ZNF804B: variants seen among roughly 807,000 people sequenced by gnomAD.
The protein encoded by ZNF804B is zinc finger protein 804B, also known as zinc finger 804B.
In ZNF804B, 80 loss-of-function variants were observed where a neutral mutation model predicts 101.4. That is an observed-to-expected ratio of 0.79 (90% CI 0.66 to 0.95). The LOEUF (loss-of-function observed/expected upper bound fraction) is 0.95, where lower values mean the gene tolerates loss of function less well. Ranked by LOEUF, ZNF804B falls within the 40% of genes least tolerant of loss-of-function variation. The probability of loss-of-function intolerance (pLI) is 0.00; values close to 1 mark genes in which losing one functional copy is unlikely to be tolerated. For missense variants in ZNF804B, 1,673 were observed against 1,561.9 expected (o/e 1.07, Z -1.20); for synonymous variants, 622 against 558.8 (o/e 1.11, Z -1.59).
intron 1 of ZNF804B, among the ~76,000 whole-genome samples, chr7:88,928,970 C>T (rs1404400651): frequency 1.3e-5 from 2 of 151,724 alleles, no homozygotes; most frequent in East Asian, 3.9e-4. Flanking sequence ...GTCATTGTGG[C>T]TCAATAAATA....
intron 2 of ZNF804B, among the ~76,000 whole-genome samples, chr7:89,305,713 A>G (rs1364399484): frequency 6.6e-6 from 1 of 152,038 alleles, no homozygotes; most frequent in East Asian, 1.9e-4. Context: ...TAAAATATCA[A>G]TCTTCAGCAG....
chr7:88,868,105 CAACAA>C (rs1791763027), intron 1 of ZNF804B, among the ~76,000 whole-genome samples: 1 of 148,926 alleles, frequency 6.7e-6, no homozygotes, highest in Non-Finnish European at 1.5e-5. Context: ...TTTCTTTAAG[CAACAA>C]ATGCTGCCAT....
At chr7:89,263,925 C>G (rs1248496537) in intron 2 of ZNF804B, among the ~76,000 whole-genome samples, 2 of 152,082 alleles carry the variant, frequency 1.3e-5, no homozygotes, top group African/African-American at 4.8e-5. Flanking sequence ...TTCAATTAAC[C>G]AAGTTTGTGG....
intron 2 of ZNF804B, among the ~76,000 whole-genome samples, chr7:89,313,999 T>A (rs1373840290): frequency 1.3e-5 from 2 of 152,168 alleles, no homozygotes; most frequent in African/African-American, 2.4e-5. Context: ...TTTACATACC[T>A]CTATTTCCCT....
intron 1 of ZNF804B, among the ~76,000 whole-genome samples, chr7:88,839,650 A>G (rs984273341): frequency 5.3e-5 from 8 of 152,064 alleles, no homozygotes; most frequent in African/African-American, 1.9e-4. Flanking sequence ...AACAGTTGAG[A>G]CAGGAGTATG....
chr7:89,087,365 A>G (rs1257434834), intron 1 of ZNF804B, among the ~76,000 whole-genome samples: 1 of 151,954 alleles, frequency 6.6e-6, no homozygotes, highest in Non-Finnish European at 1.5e-5. Context: ...AATGTTAAGT[A>G]CTAAATGTGC....
intron 2 of ZNF804B, among the ~76,000 whole-genome samples, chr7:89,234,404 T>A (rs1334035449): frequency 1.3e-5 from 2 of 152,120 alleles, no homozygotes; most frequent in Admixed American, 1.3e-4. Flanking sequence ...TAACTTTAGG[T>A]ATAATCTACT....
rs565869188 is a variant in ZNF804B, at chr7:89,120,412, C to T, written c.109-97743C>T. ...GTGGCTCACGCGTGTAATCCCAACA[C>T]TCTGAGAGGCCGAGGCGGGCAGATC... is the stretch of plus-strand genomic sequence containing the variant. On this transcript the variant is annotated intron_variant, in intron 1 of 3. Transcript: ENST00000333190. Among the ~76,000 whole-genome samples the T allele has an allele frequency of 1.1e-4, 16 of 152,228 alleles. No homozygotes were observed. In the South Asian group the frequency reaches 2.9e-3, roughly 28 times the overall value.
chr7:88,985,228 G>A (rs1196881278), intron 1 of ZNF804B, among the ~76,000 whole-genome samples: 4 of 144,292 alleles, frequency 2.8e-5, no homozygotes, highest in African/African-American at 7.9e-5. Flanking sequence ...TGAGAGACCA[G>A]TAAACATTTG....
intron 1 of ZNF804B, among the ~76,000 whole-genome samples, chr7:89,038,681 T>TCACCTAGTTTTGCTTTTATTG (rs1308191638): frequency 2.6e-5 from 4 of 152,124 alleles, no homozygotes; most frequent in African/African-American, 9.6e-5. Flanking sequence ...ATAATCCCAT[T>TCACCTAGTTTTGCTTTTATTG]CACCTAGTTT....
At chr7:89,100,281 C>A (rs1436306607) in intron 1 of ZNF804B, among the ~76,000 whole-genome samples, 1 of 152,074 alleles carries the variant, frequency 6.6e-6, no homozygotes, top group African/African-American at 2.4e-5. Flanking sequence ...TGAAACTAGA[C>A]CCATATCACT....
intron 1 of ZNF804B, among the ~76,000 whole-genome samples, chr7:88,984,642 A>C (rs1053453547): frequency 6.6e-6 from 1 of 152,058 alleles, no homozygotes; most frequent in Non-Finnish European, 1.5e-5. Context: ...TATCAATGCA[A>C]AAATTCTTGA....
chr7:89,157,193 T>C (rs1019240362), intron 1 of ZNF804B, among the ~76,000 whole-genome samples: 1 of 152,176 alleles, frequency 6.6e-6, no homozygotes, highest in African/African-American at 2.4e-5. Flanking sequence ...AGGTTGGACA[T>C]AGTTAGGTTC....
intron 1 of ZNF804B, among the ~76,000 whole-genome samples, chr7:89,183,540 C>T (rs1204185388): frequency 6.6e-6 from 1 of 152,258 alleles, no homozygotes; most frequent in African/African-American, 2.4e-5. Context: ...GGGAGAAATG[C>T]TGTAGATTTC....
chr7:88,880,175 T>C (rs566990802), intron 1 of ZNF804B, among the ~76,000 whole-genome samples: 1 of 152,272 alleles, frequency 6.6e-6, no homozygotes, highest in African/African-American at 2.4e-5. Flanking sequence ...TCAGAAAATA[T>C]GGTGTTTTGC....
rs142706585 is a variant in ZNF804B, at chr7:89,336,183, C to T, written c.3201C>T (p.Asp1067=). 1.0e-3 allele frequency: 1,619 copies of T among 1,613,792 alleles called. 15 individuals carry two copies. In the African/African-American group the frequency reaches 0.019, roughly 19 times the overall value. The change falls in exon 4 of 4, where the codon GAC becomes GAT. Residue 1067 remains aspartate, a synonymous_variant. Transcript: ENST00000333190. ...TCCAACCTTTTATTCAAAGCTGTGACCCAGTACCAAATGAATTCCCTGGTG... is the reference window on the plus strand; with the variant it reads ...TCCAACCTTTTATTCAAAGCTGTGATCCAGTACCAAATGAATTCCCTGGTG... ...SEIQPFIQSC[D]PVPNEFPGAF... is the part of the protein sequence containing the mutation.
At chr7:88,819,306 T>G (rs1374996579) in intron 1 of ZNF804B, among the ~76,000 whole-genome samples, 1 of 152,072 alleles carries the variant, frequency 6.6e-6, no homozygotes, top group East Asian at 1.9e-4. Flanking sequence ...TTTTCTTGTA[T>G]TTTTAGTAGA....
chr7:88,812,385 A>G (rs1224747059), intron 1 of ZNF804B, among the ~76,000 whole-genome samples: 3 of 152,260 alleles, frequency 2.0e-5, no homozygotes, highest in Non-Finnish European at 4.4e-5. Context: ...AAGAATGTGG[A>G]AACATTGGAA....
At chr7:89,098,261 G>C (rs544850002) in intron 1 of ZNF804B, among the ~76,000 whole-genome samples, 2 of 139,888 alleles carry the variant, frequency 1.4e-5, no homozygotes, top group South Asian at 2.4e-4. Flanking sequence ...AAGGCAAAAA[G>C]CATCATCATA....
Sources: allele counts gnomAD v4.1 joint callset (sites outside exome capture counted in the v4.1 genomes callset), GRCh38; gene constraint gnomAD v4.1.1; transcripts MANE v1.5; gene names NCBI Gene and HGNC (gene_info 2026-07-23, HGNC 2026-07-21).